Variants in ZMIZ1 observed in about 807,000 individuals in gnomAD.
The protein encoded by ZMIZ1 is zinc finger MIZ-type containing 1.
A neutral mutation model predicts 113.9 loss-of-function variants in ZMIZ1; 17 were observed. That is an observed-to-expected ratio of 0.15 (90% confidence interval 0.10 to 0.22). ZMIZ1 has a LOEUF of 0.22. ZMIZ1 is among the 10% of genes least tolerant of loss of function. The pLI is 1.00. For missense variants in ZMIZ1, 1,059 were observed against 1,477.8 expected (o/e 0.72, Z 4.65); for synonymous variants, 607 against 603.1 (o/e 1.01, Z -0.09).
rs1742894394 is a variant in ZMIZ1 at position 79,069,484 on chromosome 10, C to G, written c.-337+214C>G. Among the ~76,000 whole-genome samples, 4 of 151,472 alleles carry G rather than the reference C, an allele frequency of 2.6e-5. No individual in the cohort carries two copies. The highest frequency in any genetic ancestry group is 2.6e-4 in the Admixed American group (4 of 15,210). The stretch of plus-strand genomic sequence containing the variant: ...GGCGGCCGGCGAGCTCCCGGCTGCG[C>G]GGAGCCGGCTTGGGCTGCGCGTGGG... On this transcript the variant is annotated intron_variant, in intron 1 of 24. Coordinates refer to ENST00000334512, the MANE Select transcript of ZMIZ1 (RefSeq NM_020338.4). This position sits in a 1 kb window ranked among gnomAD's most constrained non-coding sequence, Gnocchi z 4.6.
chr10:79,079,639 C>CG (rs35603905), intron 1 of ZMIZ1, among the ~76,000 whole-genome samples: 18,353 of 152,096 alleles, frequency 0.12, 1,585 homozygotes, highest in East Asian at 0.39. Flanking sequence ...GCACTGGGGC[C>CG]GGGGGGGTCC....
At chr10:79,136,014 A>G (rs1844992899) in intron 2 of ZMIZ1, among the ~76,000 whole-genome samples, 1 of 152,104 alleles carries the variant, frequency 6.6e-6, no homozygotes, top group African/African-American at 2.4e-5. Context: ...ATGGAAAACA[A>G]AGAGAGAAAA....
chr10:79,150,960 T>A (rs1252551442), intron 3 of ZMIZ1, among the ~76,000 whole-genome samples: 1 of 151,914 alleles, frequency 6.6e-6, no homozygotes, highest in Non-Finnish European at 1.5e-5. Flanking sequence ...CCTCCCCAAG[T>A]AAGCCCAAGC....
chr10:79,113,403 C>G (rs1054991785), intron 1 of ZMIZ1, among the ~76,000 whole-genome samples: 1 of 152,196 alleles, frequency 6.6e-6, no homozygotes, highest in Admixed American at 6.5e-5. Flanking sequence ...GGAGGTGCTG[C>G]TGCCCGGGCA....
At chr10:79,216,974 T>C (rs562243192) in intron 7 of ZMIZ1, among the ~76,000 whole-genome samples, 1 of 152,326 alleles carries the variant, frequency 6.6e-6, no homozygotes, top group South Asian at 2.1e-4. Context: ...ACCATCCTCA[T>C]AACCTGGCTT....
At chr10:79,177,868 A>T (rs752434576) in intron 4 of ZMIZ1, among the ~76,000 whole-genome samples, 44 of 152,338 alleles carry the variant, frequency 2.9e-4, no homozygotes, top group Admixed American at 3.3e-4. Context: ...TCCCACCCAG[A>T]GGTCATCCTG....
At position 79,208,431 on chromosome 10, in the gene ZMIZ1, C is replaced by T. The variant is rs1194880265; in HGVS notation, c.156C>T (p.Ser52=). The change falls in exon 6 of 25, where the codon AGC becomes AGT. Residue 52 remains serine (S), a synonymous_variant. Transcript: ENST00000334512. ...PRAFQRPFEQ[S]LMGCLTVVSR... ...CCTTCCAGCGGCCCTTCGAGCAGAGCCTGATGGGCTGTTTGACGGTGAGTC... is the reference window on the plus strand; with the variant it reads ...CCTTCCAGCGGCCCTTCGAGCAGAGTCTGATGGGCTGTTTGACGGTGAGTC... 1.9e-6 allele frequency: 3 copies of T among 1,613,750 alleles called. No homozygotes were observed. The highest frequency in any genetic ancestry group is 2.5e-6 in the Non-Finnish European group (3 of 1,179,992).
At chr10:79,300,635 G>A (rs1854230988) in intron 16 of ZMIZ1, 97 bp from the exon 17 acceptor site, 2 of 1,410,396 alleles carry the variant, frequency 1.4e-6, no homozygotes, top group Non-Finnish European at 1.9e-6. Flanking sequence ...CTCGGAGGTT[G>A]TGGTGTGTTT....
At chr10:79,164,018 G>T (rs1846216361) in intron 4 of ZMIZ1, among the ~76,000 whole-genome samples, 2 of 151,286 alleles carry the variant, frequency 1.3e-5, no homozygotes, top group African/African-American at 2.4e-5. Context: ...GCTTCGAGTT[G>T]ATTCTTTGAA....
intron 2 of ZMIZ1, among the ~76,000 whole-genome samples, chr10:79,129,809 C>T (rs980023498): frequency 1.2e-4 from 18 of 152,238 alleles, no homozygotes; most frequent in African/African-American, 3.9e-4. Flanking sequence ...TGGGAGGGAT[C>T]GCACTGGCCC....
intron 3 of ZMIZ1, among the ~76,000 whole-genome samples, chr10:79,143,503 C>A (rs1845355806): frequency 6.6e-6 from 1 of 152,192 alleles, no homozygotes; most frequent in Non-Finnish European, 1.5e-5. Context: ...CTCCCTTGAC[C>A]ACTCTGAGGT....
At chr10:79,114,494 CGTGTGTGTGTGCGTGTGTGTGTGT>C (rs1217659154) in intron 1 of ZMIZ1, among the ~76,000 whole-genome samples, 2 of 114,342 alleles carry the variant, frequency 1.7e-5, no homozygotes, top group African/African-American at 6.8e-5. Context: ...TGTGTGTGTG[CGTGTGTGTGTGCGTGTGTGTGTGT>C]GTGTGTGTGT....
intron 1 of ZMIZ1, among the ~76,000 whole-genome samples, chr10:79,097,256 C>T (rs992688318): frequency 4.6e-5 from 7 of 152,216 alleles, no homozygotes; most frequent in African/African-American, 1.7e-4. Flanking sequence ...TGCCTCCCAC[C>T]GGCCACCTCC....
intron 7 of ZMIZ1, among the ~76,000 whole-genome samples, chr10:79,233,663 T>A (rs1469097729): frequency 6.6e-6 from 1 of 152,222 alleles, no homozygotes; most frequent in African/African-American, 2.4e-5. Context: ...GCCTGATTTT[T>A]TTCCCCTCCT....
intron 4 of ZMIZ1, among the ~76,000 whole-genome samples, chr10:79,183,378 A>G (rs892607577): frequency 6.6e-6 from 1 of 152,046 alleles, no homozygotes; most frequent in African/African-American, 2.4e-5. Flanking sequence ...ACACACACAC[A>G]CACACGCACA....
chr10:79,180,071 A>G (rs554077675), intron 4 of ZMIZ1, among the ~76,000 whole-genome samples: 17 of 152,278 alleles, frequency 1.1e-4, no homozygotes, highest in African/African-American at 3.9e-4. Flanking sequence ...ACGGGCCCCC[A>G]CAGCACCATG....
At chr10:79,070,645 C>T (rs1283796127) in intron 1 of ZMIZ1, among the ~76,000 whole-genome samples, 2 of 152,222 alleles carry the variant, frequency 1.3e-5, no homozygotes, top group East Asian at 3.9e-4. Context: ...CCACCTCGTC[C>T]CTCCAGCAGG....
intron 7 of ZMIZ1, among the ~76,000 whole-genome samples, chr10:79,223,053 G>A (rs758886687): frequency 2.6e-5 from 4 of 152,136 alleles, no homozygotes; most frequent in African/African-American, 4.8e-5. Flanking sequence ...GCTTGACTCC[G>A]ATCTCCCCCT....
At chr10:79,155,950 C>G (rs1015750939) in intron 3 of ZMIZ1, among the ~76,000 whole-genome samples, 2 of 152,232 alleles carry the variant, frequency 1.3e-5, no homozygotes, top group Admixed American at 1.3e-4. Flanking sequence ...GCACATGCCC[C>G]TAGTTATCTG....
Sources: allele counts gnomAD v4.1 joint callset (sites outside exome capture counted in the v4.1 genomes callset), GRCh38; gene constraint gnomAD v4.1.1; non-coding constraint Gnocchi (gnomAD v3.1); transcripts MANE v1.5; gene names NCBI Gene and HGNC (gene_info 2026-07-23, HGNC 2026-07-21).